BAZ1B: variants seen among roughly 807,000 people sequenced by gnomAD.
The protein encoded by BAZ1B is tyrosine-protein kinase BAZ1B.
BAZ1B carries 22 observed loss-of-function variants against 153.8 expected under a neutral mutation model. The ratio of observed to expected loss-of-function variants is 0.14; its 90% CI spans 0.10 to 0.20. The LOEUF (loss-of-function observed/expected upper bound fraction) is 0.20. BAZ1B is among the 10% of genes least tolerant of loss of function. The pLI is 1.00. For missense variants in BAZ1B, 1,325 were observed against 1,799.3 expected, an observed-to-expected ratio of 0.74 and a Z score of 4.77; for synonymous variants, 676 against 633.4, an observed-to-expected ratio of 1.07 and a Z score of -1.01.
intron 3 of BAZ1B, among the ~76,000 whole-genome samples, chr7:73,503,863 C>T (rs1298275387): frequency 2.6e-5 from 4 of 152,012 alleles, no homozygotes; most frequent in Admixed American, 2.6e-4. Flanking sequence ...GGAGCATGAG[C>T]AGAAAACCAG....
rs782406284 is a variant in BAZ1B at position 73,492,902 on chromosome 7, C to T, written c.591G>A (p.Ser197=). 52 of 1,605,754 alleles carry T rather than the reference C, an allele frequency of 3.2e-5. No individual in the cohort carries two copies. Among genetic ancestry groups the T allele is most frequent in the East Asian group, 9.0e-5 (4 of 44,568 alleles). ...RESINDRARR[S]PRKLPTSLKK... The stretch of plus-strand genomic sequence containing the variant: ...TTAATGAAGTAGGAAGTTTTCGTGG[C>T]GATCTACGTGCTCTGTCATCTAGTC... Residue 197 remains serine, a synonymous_variant, in exon 5 of 20, where the codon TCG becomes TCA. Coordinates refer to ENST00000339594, the MANE Select transcript of BAZ1B (RefSeq NM_032408.4).
At chr7:73,443,111 C>T (rs924609090) in intron 17 of BAZ1B, among the ~76,000 whole-genome samples, 4 of 152,148 alleles carry the variant, frequency 2.6e-5, no homozygotes, top group Admixed American at 1.3e-4. Flanking sequence ...TGCTGGAGGT[C>T]GGCTGAAGGG....
intron 1 of BAZ1B, among the ~76,000 whole-genome samples, chr7:73,516,959 T>C (rs1790831932): frequency 1.3e-5 from 2 of 151,488 alleles, no homozygotes; most frequent in African/African-American, 4.8e-5. Flanking sequence ...GGCCGGTGGA[T>C]CAACTTGAGG....
At chr7:73,443,496 T>C (rs1285648125) in intron 17 of BAZ1B, among the ~76,000 whole-genome samples, 1 of 151,054 alleles carries the variant, frequency 6.6e-6, no homozygotes, top group Admixed American at 6.6e-5. Flanking sequence ...AACTCCAATT[T>C]GATCTGTCAA....
intron 7 of BAZ1B, 134 bp from the exon 8 acceptor site, chr7:73,470,617 A>C: frequency 9.3e-7 from 1 of 1,071,778 alleles, no homozygotes; most frequent in Non-Finnish European, 1.3e-6. Flanking sequence ...TCTAATTCTA[A>C]TCTGTTACAA....
intron 15 of BAZ1B, among the ~76,000 whole-genome samples, chr7:73,448,948 TATAAG>T (rs2116232801): frequency 1.3e-5 from 2 of 152,112 alleles, no homozygotes; most frequent in East Asian, 3.9e-4. Context: ...GAAGACGTGA[TATAAG>T]AAAGAGGAGT....
chr7:73,450,509 T>G lies in BAZ1B; in HGVS notation c.3580+338A>C, dbSNP rs1787995472. Among the ~76,000 whole-genome samples, 1 of 152,144 alleles carries G rather than the reference T, an allele frequency of 6.6e-6. No individual in the cohort carries two copies. Among genetic ancestry groups the G allele is most frequent in the South Asian group, 2.1e-4 (1 of 4,822 alleles). ...TCCTGCTGAAAGCACATATCTTACT[T>G]CACAGATGACTAAAGTTCTGAGCCA... On this transcript the variant is annotated intron_variant, in intron 14 of 19. Transcript: ENST00000339594. The surrounding 1 kb of genome is among the most constrained non-coding windows in gnomAD (Gnocchi z 4.1).
intron 3 of BAZ1B, among the ~76,000 whole-genome samples, chr7:73,501,397 C>A (rs536922997): frequency 6.6e-6 from 1 of 152,302 alleles, no homozygotes; most frequent in South Asian, 2.1e-4. Flanking sequence ...AGTCCAACCA[C>A]ACTGATTTTT....
intron 4 of BAZ1B, among the ~76,000 whole-genome samples, chr7:73,494,794 A>T (rs1426983109): frequency 6.6e-6 from 1 of 152,212 alleles, no homozygotes; most frequent in African/African-American, 2.4e-5. Flanking sequence ...ATACAGAAGG[A>T]AAGAGAGTCA....
intron 13 of BAZ1B, among the ~76,000 whole-genome samples, chr7:73,455,881 G>A (rs35489648): frequency 0.047 from 7,161 of 152,242 alleles, 254 homozygotes; most frequent in Middle Eastern, 0.075. Context: ...ACTGGTAAGT[G>A]AGAAACTGAA....
At chr7:73,506,324 C>A (rs1445067208) in intron 3 of BAZ1B, among the ~76,000 whole-genome samples, 18 of 151,640 alleles carry the variant, frequency 1.2e-4, no homozygotes. Context: ...CAGTGAAACC[C>A]CGTCTCTATT....
rs868986351 is a variant in BAZ1B at position 73,521,858 on chromosome 7, G to A, written c.76C>T (p.Pro26Ser). Residue 26 changes from proline to serine, a missense_variant, in exon 1 of 20, where the codon CCG becomes TCG. Coordinates refer to ENST00000339594, the MANE Select transcript of BAZ1B (RefSeq NM_032408.4). ...GTGCGGAAGGCCTCCTGAGTGTGCG[G>A]GATGGTGAAGAGCGGCTCCTCTCCG... is the stretch of plus-strand genomic sequence containing the variant. Reference protein sequence around the residue: ...LPGEEPLFTIPHTQEAFRTRE... With the variant: ...LPGEEPLFTISHTQEAFRTRE... 1.3e-6 allele frequency: 2 copies of A among 1,510,698 alleles called. No homozygotes were observed. Among genetic ancestry groups the A allele is most frequent in the South Asian group, 1.2e-5 (1 of 81,898 alleles). The allele number at this position is 1,510,698 out of a possible 1,614,324, so 93.6% of individuals were successfully genotyped here. A position where few individuals can be genotyped will look rare whatever the true frequency, so the allele number is the denominator to read the frequency against.
chr7:73,500,264 A>T (rs1790072034), intron 3 of BAZ1B, among the ~76,000 whole-genome samples: 1 of 152,220 alleles, frequency 6.6e-6, no homozygotes, highest in South Asian at 2.1e-4. Context: ...CTGGCCAGGC[A>T]TGGTGGCTCA....
chr7:73,514,520 T>G (rs1583959404), intron 1 of BAZ1B, among the ~76,000 whole-genome samples: 3 of 130,202 alleles, frequency 2.3e-5, no homozygotes, highest in South Asian at 2.3e-4. Flanking sequence ...GCAACAAGAG[T>G]GAAACTCAGT....
chr7:73,466,162 A>T, intron 10 of BAZ1B, 134 bp downstream of exon 10: 1 of 624,936 alleles, frequency 1.6e-6, no homozygotes, highest in Admixed American at 3.2e-5. Flanking sequence ...AGAAGTTTTG[A>T]TATCCAAAAT....
chr7:73,494,757 A>C (rs1383745928), intron 4 of BAZ1B, among the ~76,000 whole-genome samples: 1 of 152,202 alleles, frequency 6.6e-6, no homozygotes, highest in Non-Finnish European at 1.5e-5. Flanking sequence ...TCAAAAATAA[A>C]CAAACATCTG....
chr7:73,448,134 A>G (rs1181364406), intron 15 of BAZ1B, among the ~76,000 whole-genome samples: 1 of 152,100 alleles, frequency 6.6e-6, no homozygotes, highest in Non-Finnish European at 1.5e-5. Context: ...GAGAAACCCC[A>G]TCTCTACTAA....
At chr7:73,519,111 G>C (rs540997163) in intron 1 of BAZ1B, among the ~76,000 whole-genome samples, 1 of 152,104 alleles carries the variant, frequency 6.6e-6, no homozygotes, top group African/African-American at 2.4e-5. Flanking sequence ...TTAAATGTGT[G>C]CATTACTCAC....
At chr7:73,510,148 G>A (rs777642787) in intron 2 of BAZ1B, among the ~76,000 whole-genome samples, 4 of 149,734 alleles carry the variant, frequency 2.7e-5, no homozygotes, top group Non-Finnish European at 4.4e-5. Context: ...TAAGAATAAG[G>A]GCCAGGCGCG....
Sources: gnomAD v4.1 joint callset for allele counts (sites outside exome capture counted in the v4.1 genomes callset) on GRCh38, gnomAD v4.1.1 for gene constraint, Gnocchi (gnomAD v3.1) non-coding constraint, MANE v1.5 for transcripts, NCBI Gene and HGNC (gene_info 2026-07-23, HGNC 2026-07-21) for gene names.